The following NTM variants were observed in gnomAD, a reference collection of about 807,000 sequenced individuals.
NTM encodes the protein IgLON family member 2.
NTM carries 13 observed loss-of-function variants against 42.1 expected under a neutral mutation model. The observed-to-expected ratio is 0.31, with a 90% CI of 0.20 to 0.49. NTM has a LOEUF of 0.49. NTM is among the 20% of genes least tolerant of loss of function. The pLI is 0.99. For synonymous variants in NTM, 187 were observed against 179.2 expected, an observed-to-expected ratio of 1.04 and a Z score of -0.35; for missense variants, 373 against 452.8, an observed-to-expected ratio of 0.82 and a Z score of 1.60.
intron 2 of NTM, among the ~76,000 whole-genome samples, chr11:132,013,657 C>G (rs1443645110): frequency 6.6e-6 from 1 of 152,110 alleles, no homozygotes; most frequent in Non-Finnish European, 1.5e-5. Context: ...GTTCAGCTCA[C>G]TATTTCATTT....
chr11:132,225,843 T>C (rs1186296179), intron 4 of NTM, among the ~76,000 whole-genome samples: 2 of 152,172 alleles, frequency 1.3e-5, no homozygotes, highest in Non-Finnish European at 1.5e-5. Context: ...GTATTTCTTA[T>C]AATGGTATCC....
chr11:131,372,538 C>T (rs562526603), intron 1 of NTM, among the ~76,000 whole-genome samples: 3 of 151,948 alleles, frequency 2.0e-5, no homozygotes, highest in African/African-American at 7.2e-5. Context: ...CGGGCAGTTT[C>T]GGAAAAGCAG....
At chr11:131,703,695 C>T (rs763279097) in intron 1 of NTM, among the ~76,000 whole-genome samples, 2 of 152,178 alleles carry the variant, frequency 1.3e-5, no homozygotes, top group Non-Finnish European at 2.9e-5. Flanking sequence ...ATAAGAAAAG[C>T]TGCATTGAAG....
At chr11:131,983,052 A>T (rs1048127986) in intron 2 of NTM, among the ~76,000 whole-genome samples, 2 of 145,396 alleles carry the variant, frequency 1.4e-5, no homozygotes, top group African/African-American at 2.5e-5. Context: ...AAGGAAAATG[A>T]TTTTTTTTTT....
Position 131,703,867 on chromosome 11 carries a change from G to C in NTM, c.83-207697G>C, listed in dbSNP as rs1368785261. Among the ~76,000 whole-genome samples, 3 of 152,126 alleles carry C rather than the reference G, an allele frequency of 2.0e-5. 1 individual carries two copies. The highest frequency in any genetic ancestry group is 4.4e-5 in the Non-Finnish European group (3 of 68,030). ...ACAGCTCCAGTGGACCCCAATTCCA[G>C]GCCTATAGCCCCAGTTTCCAGGCCT... is the stretch of plus-strand genomic sequence containing the variant. On this transcript the variant is annotated intron_variant, in intron 1 of 8. Transcript: ENST00000683400.
At chr11:132,244,759 G>C (rs1047793436) in intron 4 of NTM, among the ~76,000 whole-genome samples, 3 of 152,200 alleles carry the variant, frequency 2.0e-5, no homozygotes, top group African/African-American at 7.2e-5. Flanking sequence ...TGTGACCTCT[G>C]GGTGTTCTGC....
At chr11:131,840,001 C>T (rs930490029) in intron 1 of NTM, among the ~76,000 whole-genome samples, 1 of 152,188 alleles carries the variant, frequency 6.6e-6, no homozygotes, top group African/African-American at 2.4e-5. Context: ...ATGGACTTGC[C>T]ATCAGCTGAG....
chr11:131,950,177 A>G (rs1197439533), intron 2 of NTM, among the ~76,000 whole-genome samples: 1 of 151,932 alleles, frequency 6.6e-6, no homozygotes, highest in Non-Finnish European at 1.5e-5. Context: ...GGGTTGCCCT[A>G]GAGGCCTCCT....
intron 1 of NTM, among the ~76,000 whole-genome samples, chr11:131,907,754 T>C (rs1468401987): frequency 6.6e-6 from 1 of 152,186 alleles, no homozygotes; most frequent in Non-Finnish European, 1.5e-5. Context: ...TTGCTTTGAA[T>C]GTCATCCCTT....
At chr11:131,582,428 C>G (rs1004981147) in intron 1 of NTM, 1 of 152,124 alleles carries the variant, frequency 6.6e-6, no homozygotes, top group East Asian at 1.9e-4. Flanking sequence ...GCAGTTGCCG[C>G]GCTTCCAAAT....
intron 4 of NTM, among the ~76,000 whole-genome samples, chr11:132,238,156 T>G (rs184276770): frequency 6.6e-6 from 1 of 152,162 alleles, no homozygotes; most frequent in African/African-American, 2.4e-5. Context: ...CTGCCACTCT[T>G]TTTGATATAC....
intron 1 of NTM, among the ~76,000 whole-genome samples, chr11:131,563,397 G>A (rs2056472096): frequency 6.6e-6 from 1 of 152,028 alleles, no homozygotes; most frequent in Non-Finnish European, 1.5e-5. Flanking sequence ...CCCCTCTCTG[G>A]GGAAGACTGC....
chr11:132,317,897 G>C (rs2095472450), intron 7 of NTM, among the ~76,000 whole-genome samples: 1 of 152,138 alleles, frequency 6.6e-6, no homozygotes, highest in African/African-American at 2.4e-5. Context: ...CCCCAGGAGG[G>C]CTGGGAAGGG....
intron 1 of NTM, among the ~76,000 whole-genome samples, chr11:131,763,148 CACCTTT>C (rs1475215372): frequency 6.6e-6 from 1 of 152,094 alleles, no homozygotes; most frequent in Non-Finnish European, 1.5e-5. Context: ...TCCATAAACA[CACCTTT>C]ACATAAAACC....
intron 4 of NTM, among the ~76,000 whole-genome samples, chr11:132,293,950 C>G (rs189380369): frequency 6.6e-6 from 1 of 152,190 alleles, no homozygotes; most frequent in Non-Finnish European, 1.5e-5. Flanking sequence ...CGTTGGCTGA[C>G]CCTATTTTAC....
At chr11:132,094,094 C>T (rs2060677484) in intron 2 of NTM, among the ~76,000 whole-genome samples, 1 of 152,156 alleles carries the variant, frequency 6.6e-6, no homozygotes. Context: ...AACAGTTGGC[C>T]ACCTTTGATT....
At chr11:131,665,471 C>A (rs1035469220) in intron 1 of NTM, among the ~76,000 whole-genome samples, 7 of 151,932 alleles carry the variant, frequency 4.6e-5, no homozygotes, top group African/African-American at 1.7e-4. Context: ...GTGATTAGGG[C>A]AAAAAGAGGT....
At chr11:132,238,744 C>T (rs2089602434) in intron 4 of NTM, among the ~76,000 whole-genome samples, 1 of 152,126 alleles carries the variant, frequency 6.6e-6, no homozygotes, top group South Asian at 2.1e-4. Context: ...CCTCCCTTGT[C>T]ACTTACATTC....
chr11:131,380,839 G>C (rs1942584385), intron 1 of NTM, among the ~76,000 whole-genome samples: 1 of 152,174 alleles, frequency 6.6e-6, no homozygotes, highest in Non-Finnish European at 1.5e-5. Context: ...GTTTGCCTGA[G>C]TTGTTTCAAT....
Sources: gnomAD v4.1 joint callset for allele counts (sites outside exome capture counted in the v4.1 genomes callset) on GRCh38, gnomAD v4.1.1 for gene constraint, MANE v1.5 for transcripts, NCBI Gene and HGNC (gene_info 2026-07-23, HGNC 2026-07-21) for gene names.